The following PTPRQ variants were observed in gnomAD, a reference collection of about 807,000 sequenced individuals.
PTPRQ encodes the protein phosphatidylinositol phosphatase PTPRQ.
In PTPRQ, 199 loss-of-function variants were observed where a neutral mutation model predicts 246.0. The ratio of observed to expected loss-of-function variants is 0.81; its 90% CI spans 0.72 to 0.91. The LOEUF (loss-of-function observed/expected upper bound fraction) is 0.91. Among genes scored for constraint, PTPRQ ranks in the 40% least tolerant of loss-of-function variants. PTPRQ has a pLI of 0.00. For missense variants in PTPRQ, 2,624 were observed against 2,528.4 expected, an observed-to-expected ratio of 1.04 and a Z score of -0.81; for synonymous variants, 869 against 853.2, an observed-to-expected ratio of 1.02 and a Z score of -0.32.
intron 7 of PTPRQ, among the ~76,000 whole-genome samples, chr12:80,471,474 A>ATTTTTTTTTTTTTTTTTTT (rs1176393485): frequency 1.4e-5 from 1 of 73,198 alleles, no homozygotes. Flanking sequence ...ATTATTTAGC[A>ATTTTTTTTTTTTTTTTTTT]TTTTTTTTTT....
intron 41 of PTPRQ, 24 bp downstream of exon 41, chr12:80,669,488 G>A: frequency 1.3e-6 from 2 of 1,530,518 alleles, no homozygotes; most frequent in Non-Finnish European, 1.8e-6. Context: ...GGGGGGACGA[G>A]AGAACATGAT....
At chr12:80,483,424 C>T (rs1894148407) in intron 8 of PTPRQ, among the ~76,000 whole-genome samples, 1 of 145,112 alleles carries the variant, frequency 6.9e-6, no homozygotes, top group Admixed American at 6.9e-5. Context: ...ATACCTAATG[C>T]TAGATGACGA....
chr12:80,512,691 A>G (rs1455609804), intron 17 of PTPRQ: 1 of 152,192 alleles, frequency 6.6e-6, no homozygotes, highest in African/African-American at 2.4e-5. Context: ...TAGATAAACT[A>G]TTCATTTCTC....
chr12:80,597,600 C>T (rs948251676), intron 26 of PTPRQ, among the ~76,000 whole-genome samples: 1 of 151,998 alleles, frequency 6.6e-6, no homozygotes, highest in African/African-American at 2.4e-5. Context: ...AATTCAATCC[C>T]CTTTTCCAAT....
At chr12:80,609,310 T>C (rs1898457893) in intron 27 of PTPRQ, among the ~76,000 whole-genome samples, 1 of 150,674 alleles carries the variant, frequency 6.6e-6, no homozygotes, top group African/African-American at 2.4e-5. Flanking sequence ...ATAAAATATG[T>C]TCTTAGCAAA....
intron 26 of PTPRQ, 143 bp from the exon 27 acceptor site, chr12:80,604,916 T>C (rs1231156997): frequency 1.1e-6 from 1 of 880,896 alleles, no homozygotes; most frequent in African/African-American, 1.7e-5. Flanking sequence ...TGGTAATGCC[T>C]TTAGCACTCT....
At chr12:80,546,355 G>C (rs1261533400) in intron 23 of PTPRQ, among the ~76,000 whole-genome samples, 1 of 151,928 alleles carries the variant, frequency 6.6e-6, no homozygotes, top group African/African-American at 2.4e-5. Context: ...AAAAGAAGGT[G>C]CCCAATTCAT....
At chr12:80,463,402 G>A (rs1893273875) in intron 6 of PTPRQ, among the ~76,000 whole-genome samples, 1 of 152,230 alleles carries the variant, frequency 6.6e-6, no homozygotes, top group African/African-American at 2.4e-5. Context: ...TGGTATACCT[G>A]AAAGTGATGG....
intron 35 of PTPRQ, among the ~76,000 whole-genome samples, chr12:80,636,595 A>C (rs960287982): frequency 8.6e-5 from 13 of 151,972 alleles, no homozygotes; most frequent in African/African-American, 2.7e-4. Context: ...CAAGGGAAAA[A>C]ATTCAAATCT....
At chr12:80,471,724 G>A (rs1040572703) in intron 7 of PTPRQ, among the ~76,000 whole-genome samples, 5 of 150,876 alleles carry the variant, frequency 3.3e-5, no homozygotes, top group Non-Finnish European at 4.4e-5. Flanking sequence ...TGATCCGCCC[G>A]CCTCGGCCTC....
At chr12:80,581,824 A>C (rs1897448313) in intron 25 of PTPRQ, among the ~76,000 whole-genome samples, 5 of 152,212 alleles carry the variant, frequency 3.3e-5, no homozygotes, top group Admixed American at 3.3e-4. Context: ...ATGATAGTTT[A>C]TGAAAAAGGA....
At chr12:80,472,303 T>C in intron 8 of PTPRQ, 52 bp downstream of exon 8, 1 of 1,536,532 alleles carries the variant, frequency 6.5e-7, no homozygotes, top group Non-Finnish European at 8.8e-7. Flanking sequence ...ATGAACTTCA[T>C]GAATTGGTAA....
intron 17 of PTPRQ, among the ~76,000 whole-genome samples, chr12:80,519,162 G>A (rs1228340559): frequency 6.6e-6 from 1 of 151,810 alleles, no homozygotes; most frequent in Non-Finnish European, 1.5e-5. Context: ...TTTCATCAAT[G>A]TTTTATAGTT....
At chr12:80,514,746 GTAT>G (rs1477319662) in intron 17 of PTPRQ, among the ~76,000 whole-genome samples, 1 of 143,822 alleles carries the variant, frequency 7.0e-6, no homozygotes. Context: ...ATTACATTAG[GTAT>G]TATATAATTA....
At position 80,547,677 on chromosome 12, in the gene PTPRQ, G is replaced by A. The variant is rs371467888; in HGVS notation, c.4015+980G>A. On this transcript the variant is annotated intron_variant, in intron 24 of 44. Coordinates refer to ENST00000644991, the MANE Select transcript of PTPRQ (RefSeq NM_001145026.2). ...TACTAGTTGTATAATCTTGGCAAAG[G>A]CTCATGACTCTGTGAGCCTCTGTAA... 5.9e-5 allele frequency among the ~76,000 whole-genome samples: 9 copies of A among 152,192 alleles called. No homozygotes were observed. The East Asian group carries it at 7.7e-4, about 13-fold the overall frequency.
At chr12:80,621,056 A>G (rs1898966072) in intron 32 of PTPRQ, among the ~76,000 whole-genome samples, 1 of 151,918 alleles carries the variant, frequency 6.6e-6, no homozygotes, top group Admixed American at 6.6e-5. Context: ...TATAATTTTT[A>G]CTAGTAATTT....
intron 25 of PTPRQ, among the ~76,000 whole-genome samples, chr12:80,550,926 G>C (rs961069807): frequency 2.0e-5 from 3 of 151,854 alleles, no homozygotes; most frequent in African/African-American, 4.8e-5. Flanking sequence ...CAAATATATT[G>C]ATAGGCCCTC....
intron 43 of PTPRQ, among the ~76,000 whole-genome samples, chr12:80,676,665 A>G (rs1472774442): frequency 6.6e-6 from 1 of 151,910 alleles, no homozygotes; most frequent in Non-Finnish European, 1.5e-5. Context: ...AACAAAACCA[A>G]CAACAACACA....
At chr12:80,472,941 A>T (rs1893687664) in intron 8 of PTPRQ, among the ~76,000 whole-genome samples, 1 of 152,128 alleles carries the variant, frequency 6.6e-6, no homozygotes, top group Non-Finnish European at 1.5e-5. Flanking sequence ...CTTATAACAC[A>T]TTAACACTTG....
Sources: allele counts gnomAD v4.1 joint callset (sites outside exome capture counted in the v4.1 genomes callset), GRCh38; gene constraint gnomAD v4.1.1; transcripts MANE v1.5; gene names NCBI Gene and HGNC (gene_info 2026-07-23, HGNC 2026-07-21).